Variants in ADAMTSL1 observed in about 807,000 individuals in gnomAD.
ADAMTSL1 encodes the protein ADAMTS-like protein 1.
In ADAMTSL1, 126 loss-of-function variants were observed where a neutral mutation model predicts 201.8. The observed-to-expected ratio is 0.62, with a 90% CI of 0.54 to 0.72. The LOEUF is 0.72. Ranked by LOEUF, ADAMTSL1 falls within the 30% of genes least tolerant of loss-of-function variation. The pLI, the probability that ADAMTSL1 is intolerant of heterozygous loss-of-function variation, is 0.00. For missense variants in ADAMTSL1, 2,679 were observed against 2,277.8 expected, an observed-to-expected ratio of 1.18 and a Z score of -3.59; for synonymous variants, 1,121 against 903.4, an observed-to-expected ratio of 1.24 and a Z score of -4.32.
intron 15 of ADAMTSL1, among the ~76,000 whole-genome samples, chr9:18,734,783 G>T (rs1404192139): frequency 6.6e-6 from 1 of 152,130 alleles, no homozygotes; most frequent in Non-Finnish European, 1.5e-5. Context: ...ACGTGTGATT[G>T]ATATACTAAT....
chr9:18,152,659 G>A (rs1826966807), intron 1 of ADAMTSL1, among the ~76,000 whole-genome samples: 1 of 151,918 alleles, frequency 6.6e-6, no homozygotes, highest in Admixed American at 6.6e-5. Flanking sequence ...TCAAGAAGGA[G>A]GATATGATCA....
chr9:18,440,913 C>T (rs554835320), intron 2 of ADAMTSL1, among the ~76,000 whole-genome samples: 32 of 151,922 alleles, frequency 2.1e-4, no homozygotes, highest in Non-Finnish European at 4.0e-4. Flanking sequence ...CCCATATTAG[C>T]GGCTCATCCA....
At position 18,908,807 on chromosome 9, in the gene ADAMTSL1, G is replaced by A. The variant is rs573686061; in HGVS notation, c.*259G>A. ...GGTTGCAGAGCAGGCCAGGCAGACA[G>A]TGGGGGCTCCCTTGAAGAGCTTCCT... On this transcript the variant is annotated 3_prime_UTR_variant, in exon 29 of 29. Transcript: ENST00000380548. 2 of 374,026 alleles carry A rather than the reference G, an allele frequency of 5.3e-6. No individual in the cohort carries two copies. Among genetic ancestry groups the A allele is most frequent in the South Asian group, 3.3e-5 (1 of 30,430 alleles). The allele number at this position is 374,026 out of a possible 1,614,324, so 23.2% of individuals were successfully genotyped here.
At chr9:18,792,448 G>A (rs1245500539) in intron 19 of ADAMTSL1, among the ~76,000 whole-genome samples, 2 of 152,148 alleles carry the variant, frequency 1.3e-5, no homozygotes, top group African/African-American at 4.8e-5. Context: ...CTCCTGCTGC[G>A]AGTGTCCAAG....
chr9:18,366,627 ATTTTTTTTTTTTTTTTTT>A (rs772034324), intron 2 of ADAMTSL1, among the ~76,000 whole-genome samples: 63,446 of 113,446 alleles, frequency 0.56, 17,690 homozygotes, highest in East Asian at 0.66. Flanking sequence ...GAAATCACTA[ATTTTTTTTTTTTTTTTTT>A]TTTTTTTTTT....
At chr9:18,682,620 G>A (rs1016860131) in intron 12 of ADAMTSL1, among the ~76,000 whole-genome samples, 2 of 152,116 alleles carry the variant, frequency 1.3e-5, no homozygotes, top group African/African-American at 4.8e-5. Flanking sequence ...ACTTGTCTGT[G>A]TCAATGGAAA....
At chr9:18,022,064 C>G (rs925604298) in intron 1 of ADAMTSL1, among the ~76,000 whole-genome samples, 1 of 152,060 alleles carries the variant, frequency 6.6e-6, no homozygotes, top group East Asian at 1.9e-4. Flanking sequence ...TCACAGTACT[C>G]ATTTTTTTCT....
In ADAMTSL1 at chr9:18,574,175, C is replaced by A. The variant is rs557341808; in HGVS notation, c.383C>A (p.Thr128Lys). The A allele has an allele frequency of 5.3e-5, 85 of 1,614,076 alleles. No individual in the cohort carries two copies. Among genetic ancestry groups the A allele is most frequent in the Non-Finnish European group, 6.3e-5 (74 of 1,180,030 alleles). ...PCSLKCQAKG[T>K]TLVVELAPKV... is the part of the protein sequence containing the mutation. ...TCACTCAAGTGCCAAGCCAAAGGAA[C>A]AACCCTGGTTGTTGAACTAGCACCT... The change falls in exon 4 of 29, where the codon ACA becomes AAA. Residue 128 changes from threonine (T) to lysine (K), a missense_variant. Thr to Lys is a moderately conservative substitution (Grantham distance 78). Coordinates refer to ENST00000380548, the MANE Select transcript of ADAMTSL1 (RefSeq NM_001040272.6).
chr9:18,478,092 A>G (rs1342646768), intron 1 of ADAMTSL1, among the ~76,000 whole-genome samples: 1 of 152,178 alleles, frequency 6.6e-6, no homozygotes, highest in African/African-American at 2.4e-5. Context: ...TAAATTGGAA[A>G]GCAGTCTTCT....
intron 1 of ADAMTSL1, among the ~76,000 whole-genome samples, chr9:17,991,281 A>AT (rs1185233423): frequency 6.6e-6 from 1 of 152,186 alleles, no homozygotes; most frequent in East Asian, 1.9e-4. Context: ...TGTACGTGTT[A>AT]TTCCAAACCT....
At chr9:18,520,534 G>A (rs1818629390) in intron 2 of ADAMTSL1, among the ~76,000 whole-genome samples, 1 of 152,176 alleles carries the variant, frequency 6.6e-6, no homozygotes, top group African/African-American at 2.4e-5. Context: ...TTTTCAATCT[G>A]GACCTTCACT....
chr9:18,907,704 GGAT>G (rs1212659277), intron 28 of ADAMTSL1: 1 of 152,604 alleles, frequency 6.6e-6, no homozygotes, highest in Non-Finnish European at 1.5e-5. Flanking sequence ...GCTGGGGGAT[GGAT>G]GATCTTTGTA....
At chr9:18,108,162 T>C (rs1290001533) in intron 1 of ADAMTSL1, among the ~76,000 whole-genome samples, 1 of 151,856 alleles carries the variant, frequency 6.6e-6, no homozygotes, top group African/African-American at 2.4e-5. Flanking sequence ...GAGCAAAAAG[T>C]ATTCACGTTA....
At chr9:18,055,455 C>G (rs974658940) in intron 1 of ADAMTSL1, among the ~76,000 whole-genome samples, 5 of 152,194 alleles carry the variant, frequency 3.3e-5, no homozygotes. Flanking sequence ...CTCTTGGAAA[C>G]TATAAAGGCT....
chr9:18,332,051 G>A (rs1835050751), intron 2 of ADAMTSL1, among the ~76,000 whole-genome samples: 1 of 152,130 alleles, frequency 6.6e-6, no homozygotes, highest in African/African-American at 2.4e-5. Context: ...CCAGCCCTGG[G>A]ATTGAGACTG....
intron 15 of ADAMTSL1, among the ~76,000 whole-genome samples, chr9:18,735,320 G>A (rs1818439872): frequency 6.6e-6 from 1 of 152,228 alleles, no homozygotes; most frequent in Non-Finnish European, 1.5e-5. Context: ...AGTTTTCTGA[G>A]TTCCGTGAAA....
intron 2 of ADAMTSL1, among the ~76,000 whole-genome samples, chr9:18,174,460 G>A (rs551258820): frequency 6.6e-6 from 1 of 152,184 alleles, no homozygotes; most frequent in Non-Finnish European, 1.5e-5. Flanking sequence ...ACAGCCTTCT[G>A]GAATCATATG....
At chr9:18,196,311 ATG>A (rs371763014) in intron 2 of ADAMTSL1, among the ~76,000 whole-genome samples, 4 of 151,348 alleles carry the variant, frequency 2.6e-5, no homozygotes, top group Non-Finnish European at 3.0e-5. Flanking sequence ...GCATACGTGT[ATG>A]TGTGTGTGTG....
At chr9:18,414,997 C>G (rs920270054) in intron 2 of ADAMTSL1, among the ~76,000 whole-genome samples, 1 of 152,128 alleles carries the variant, frequency 6.6e-6, no homozygotes, top group East Asian at 1.9e-4. Flanking sequence ...GAATAATTAG[C>G]CCCAATCTAA....
Sources: gnomAD v4.1 joint callset for allele counts (sites outside exome capture counted in the v4.1 genomes callset) on GRCh38, gnomAD v4.1.1 for gene constraint, MANE v1.5 for transcripts, NCBI Gene and HGNC (gene_info 2026-07-23, HGNC 2026-07-21) for gene names.